The following NYAP2 variants were observed in gnomAD, a reference collection of about 807,000 sequenced individuals.
The protein encoded by NYAP2 is neuronal tyrosine-phosphorylated phosphoinositide-3-kinase adapter 2.
Under a neutral mutation model 50.4 loss-of-function variants are expected in NYAP2, and 23 were observed. That is an observed-to-expected ratio of 0.46 (90% CI 0.33 to 0.65). The LOEUF (loss-of-function observed/expected upper bound fraction) is 0.65. Ranked by LOEUF, NYAP2 falls within the 30% of genes least tolerant of loss-of-function variation. The pLI, the probability that NYAP2 is intolerant of heterozygous loss-of-function variation, is 0.02. For missense variants in NYAP2, 885 were observed against 861.0 expected (o/e 1.03, Z -0.35); for synonymous variants, 394 against 365.2 (o/e 1.08, Z -0.90).
chr2:225,410,565 T>C (rs1397235720), intron 3 of NYAP2, among the ~76,000 whole-genome samples: 2 of 152,150 alleles, frequency 1.3e-5, no homozygotes, highest in East Asian at 3.9e-4. Context: ...TTCAAAACTC[T>C]AAAATCTGAA....
In NYAP2 at chr2:225,629,643, TG is replaced by T. The variant is rs1693275060; in HGVS notation, c.1828+2521del. Among the ~76,000 whole-genome samples, 5 of 152,150 alleles carry T rather than the reference TG, an allele frequency of 3.3e-5. No homozygotes were observed. In the South Asian group the frequency reaches 1.0e-3, roughly 32 times the overall value. Reference sequence around the variant, plus strand: ...AGCTGGCTTCTGCTCACCATGAGGTTGGGGCTTCTGTGCTGGGTCAAAACAT... The same window carrying T: ...AGCTGGCTTCTGCTCACCATGAGGTTGGGCTTCTGTGCTGGGTCAAAACAT... On this transcript the variant is annotated intron_variant, in intron 6 of 6. Transcript: ENST00000636099.
At chr2:225,620,421 G>GCACACGCACGCA (rs1430544978) in intron 5 of NYAP2, among the ~76,000 whole-genome samples, 1 of 29,428 alleles carries the variant, frequency 3.4e-5, no homozygotes, top group East Asian at 9.1e-4. Flanking sequence ...ACACATGCAC[G>GCACACGCACGCA]CACACGCACG....
At chr2:225,632,827 C>A (rs1268683262) in intron 6 of NYAP2, among the ~76,000 whole-genome samples, 1 of 152,172 alleles carries the variant, frequency 6.6e-6, no homozygotes, top group African/African-American at 2.4e-5. Context: ...ACACCTACCC[C>A]CCACAGACTG....
At chr2:225,407,549 C>A (rs1694963307) in intron 2 of NYAP2, among the ~76,000 whole-genome samples, 1 of 151,806 alleles carries the variant, frequency 6.6e-6, no homozygotes, top group Admixed American at 6.6e-5. Flanking sequence ...GTAAAATTTC[C>A]ATAGTTATTA....
intron 5 of NYAP2, among the ~76,000 whole-genome samples, chr2:225,600,788 A>G (rs1053145240): frequency 6.6e-6 from 1 of 152,250 alleles, no homozygotes; most frequent in African/African-American, 2.4e-5. Flanking sequence ...TATTCTAGGT[A>G]GCTGATGTAA....
chr2:225,452,136 T>C (rs1240428310), intron 3 of NYAP2, among the ~76,000 whole-genome samples: 2 of 152,230 alleles, frequency 1.3e-5, no homozygotes, highest in Non-Finnish European at 2.9e-5. Flanking sequence ...GTTTGCAATA[T>C]GTTATAGCTT....
the NYAP2 span, chr2:225,698,416 G>A: frequency 6.6e-6 from 1 of 152,428 alleles, no homozygotes; most frequent in Non-Finnish European, 1.5e-5. Flanking sequence ...ACAGAAAACG[G>A]AAAAGGGCCT....
intron 3 of NYAP2, among the ~76,000 whole-genome samples, chr2:225,420,835 C>T (rs1178789971): frequency 1.3e-5 from 2 of 152,050 alleles, no homozygotes; most frequent in African/African-American, 4.8e-5. Flanking sequence ...TCTGACATAT[C>T]CAGCTCTTTT....
chr2:225,449,593 CTCTT>C (rs1290172618), intron 3 of NYAP2, among the ~76,000 whole-genome samples: 100 of 147,808 alleles, frequency 6.8e-4, no homozygotes, highest in African/African-American at 2.2e-3. Flanking sequence ...CTCTCTCTCT[CTCTT>C]TCTCTTTTTT....
downstream of NYAP2, among the ~76,000 whole-genome samples, chr2:225,657,591 T>TAA (rs78616843): frequency 0.029 from 2,268 of 77,120 alleles, 76 homozygotes; most frequent in African/African-American, 0.093. Context: ...AAAACTGCTC[T>TAA]AAAAAAAAAA....
chr2:225,702,222 T>A, the NYAP2 span: 1 of 151,752 alleles, frequency 6.6e-6, no homozygotes, highest in East Asian at 1.9e-4. Flanking sequence ...AGAAAAATGG[T>A]ACCTATAGCA....
At chr2:225,541,765 C>G (rs1454608541) in intron 4 of NYAP2, among the ~76,000 whole-genome samples, 1 of 152,022 alleles carries the variant, frequency 6.6e-6, no homozygotes, top group African/African-American at 2.4e-5. Flanking sequence ...ATAGCTTTAG[C>G]TATTCTAGGA....
intron 4 of NYAP2, among the ~76,000 whole-genome samples, chr2:225,543,395 TA>T (rs1691510484): frequency 6.6e-6 from 1 of 151,990 alleles, no homozygotes; most frequent in South Asian, 2.1e-4. Context: ...TGCTTATAGC[TA>T]AAAACTTCTG....
chr2:225,693,212 C>G, the NYAP2 span, among the ~76,000 whole-genome samples: 2 of 152,064 alleles, frequency 1.3e-5, no homozygotes, highest in African/African-American at 2.4e-5. Flanking sequence ...TTTCCTTACC[C>G]TTCTCTAGGA....
intron 4 of NYAP2, among the ~76,000 whole-genome samples, chr2:225,558,858 A>G (rs1213756757): frequency 6.6e-6 from 1 of 152,068 alleles, no homozygotes; most frequent in African/African-American, 2.4e-5. Context: ...CAAGAAGAAC[A>G]CTCATGTTTT....
chr2:225,574,522 G>GT (rs772248896), intron 4 of NYAP2, among the ~76,000 whole-genome samples: 9 of 152,156 alleles, frequency 5.9e-5, no homozygotes, highest in Non-Finnish European at 1.2e-4. Context: ...ACCTGTACCT[G>GT]TAAGTGAGTA....
At chr2:225,537,396 T>C (rs1244891943) in intron 4 of NYAP2, among the ~76,000 whole-genome samples, 1 of 152,120 alleles carries the variant, frequency 6.6e-6, no homozygotes, top group Non-Finnish European at 1.5e-5. Flanking sequence ...AATAAAGAGA[T>C]TTATTGGACT....
the NYAP2 span, among the ~76,000 whole-genome samples, chr2:225,675,295 C>T: frequency 6.6e-6 from 1 of 152,040 alleles, no homozygotes; most frequent in Non-Finnish European, 1.5e-5. Flanking sequence ...CCCCCACCTC[C>T]CTCCCTTCCC....
At chr2:225,555,521 C>T (rs1691761218) in intron 4 of NYAP2, among the ~76,000 whole-genome samples, 1 of 152,046 alleles carries the variant, frequency 6.6e-6, no homozygotes, top group Non-Finnish European at 1.5e-5. Flanking sequence ...GCAGCAAATC[C>T]ATAACATGTT....
Sources: allele counts gnomAD v4.1 joint callset (sites outside exome capture counted in the v4.1 genomes callset), GRCh38; gene constraint gnomAD v4.1.1; transcripts MANE v1.5; gene names NCBI Gene and HGNC (gene_info 2026-07-23, HGNC 2026-07-21).